Variants in UBQLN1 observed in about 807,000 individuals in gnomAD.
UBQLN1 encodes the protein ubiquilin 1, also known as ubiquilin-1.
A neutral mutation model predicts 65.4 loss-of-function variants in UBQLN1; 13 were observed. That is an observed-to-expected ratio of 0.20 (90% CI 0.13 to 0.32). UBQLN1 has a LOEUF of 0.32. UBQLN1 is among the 10% of genes least tolerant of loss of function. The pLI is 1.00. For missense variants in UBQLN1, 561 were observed against 724.0 expected, an observed-to-expected ratio of 0.77 and a Z score of 2.58; for synonymous variants, 267 against 247.8, an observed-to-expected ratio of 1.08 and a Z score of -0.73.
chr9:83,695,150 A>C (rs540422950), intron 1 of UBQLN1, among the ~76,000 whole-genome samples: 15 of 139,578 alleles, frequency 1.1e-4, no homozygotes, highest in South Asian at 6.7e-4. Context: ...AGAATCACCC[A>C]AAAAAAAAAA....
intron 10 of UBQLN1, among the ~76,000 whole-genome samples, chr9:83,662,320 T>C (rs1456925651): frequency 6.9e-6 from 1 of 144,668 alleles, no homozygotes; most frequent in Non-Finnish European, 1.5e-5. Context: ...ACACAGATAG[T>C]TCAGAATTAG....
Position 83,690,247 on chromosome 9 carries a change from T to C in UBQLN1, c.181-4092A>G, listed in dbSNP as rs137967361. The stretch of plus-strand genomic sequence containing the variant: ...ACTATAGTATAGTCATTTGATAGAT[T>C]ACCCCCAATGACAACAAATGAACTA... On this transcript the variant is annotated intron_variant, in intron 1 of 10. Transcript: ENST00000376395. 5.3e-4 allele frequency among the ~76,000 whole-genome samples: 80 copies of C among 152,338 alleles called. 2 individuals carry two copies. The East Asian group carries it at 0.013, about 24-fold the overall frequency.
At position 83,666,356 on chromosome 9, in the gene UBQLN1, G is replaced by C. The variant is rs140100726; in HGVS notation, c.1326C>G (p.Leu442=). The change falls in exon 8 of 11, where the codon CTC becomes CTG. Residue 442 remains leucine (L), a synonymous_variant. Transcript: ENST00000376395. ...EQMRQQLPTF[L]QQMQNPDTLS... Reference sequence around the variant, plus strand: ...AACATCTTGTCTTACTCACTTGTTGGAGGAAAGTTGGGAGCTGTTGTCTCA... The same window carrying C: ...AACATCTTGTCTTACTCACTTGTTGCAGGAAAGTTGGGAGCTGTTGTCTCA... 6.2e-7 allele frequency: 1 copy of C among 1,613,826 alleles called. No individual in the cohort carries two copies. The highest frequency in any genetic ancestry group is 2.2e-5 in the East Asian group (1 of 44,848).
chr9:83,683,362 G>A (rs1263497661), intron 2 of UBQLN1, among the ~76,000 whole-genome samples: 1 of 139,224 alleles, frequency 7.2e-6, no homozygotes, highest in Non-Finnish European at 1.5e-5. Context: ...CAGTGAGCGA[G>A]ATCGCGCCAC....
intron 1 of UBQLN1, among the ~76,000 whole-genome samples, chr9:83,696,056 C>T (rs1274955384): frequency 6.6e-6 from 1 of 152,198 alleles, no homozygotes; most frequent in East Asian, 1.9e-4. Context: ...TCTCCTGCCT[C>T]AGCCTCTCCA....
Position 83,672,108 on chromosome 9 carries a change from T to A in UBQLN1, c.1106-2781A>T, listed in dbSNP as rs1831742984. ...TTCTGCAGATTCCTTACCTCTCAGC[T>A]TTCATAGAATTAAAGAGAGTTAGGG... On this transcript the variant is annotated intron_variant, in intron 6 of 10. Coordinates refer to ENST00000376395, the MANE Select transcript of UBQLN1 (RefSeq NM_013438.5). Among the ~76,000 whole-genome samples, 7 of 152,368 alleles carry A rather than the reference T, an allele frequency of 4.6e-5. No homozygotes were observed. In the South Asian group the frequency reaches 1.4e-3, roughly 32 times the overall value.
intron 2 of UBQLN1, 38 bp from the exon 3 acceptor site, chr9:83,683,104 C>T (rs1247787900): frequency 1.4e-6 from 2 of 1,465,532 alleles, no homozygotes; most frequent in Admixed American, 1.7e-5. Flanking sequence ...AGCAGTAGAG[C>T]TGATTATTTT....
In UBQLN1 at chr9:83,679,786, T is replaced by G. The variant is rs1831910166; in HGVS notation, c.700A>C (p.Ile234Leu). 16 of 1,614,114 alleles carry G rather than the reference T, an allele frequency of 9.9e-6. No homozygotes were observed. The highest frequency in any genetic ancestry group is 1.4e-5 in the Non-Finnish European group (16 of 1,179,974). ...EISHMLNNPDIMRQTLELARN... is the reference protein window; with the variant it reads ...EISHMLNNPDLMRQTLELARN... ...AACTTTCCACATACTTGTCTCATTA[T>G]ATCTGGATTATTCAACATATGACTA... is the stretch of plus-strand genomic sequence containing the variant. Residue 234 changes from isoleucine to leucine, a missense_variant, in exon 4 of 11, where the codon ATA becomes CTA. By Grantham distance (5) the Ile-to-Leu change is conservative (BLOSUM62 2). Transcript: ENST00000376395.
At chr9:83,679,049 T>C (rs761320356) in intron 4 of UBQLN1, among the ~76,000 whole-genome samples, 1 of 152,272 alleles carries the variant, frequency 6.6e-6, no homozygotes, top group East Asian at 1.9e-4. Flanking sequence ...ACCAGCCTCC[T>C]GCACTATGCC....
rs900879020 is a variant in UBQLN1, at chr9:83,697,669, C to T, written c.180+9831G>A. Among the ~76,000 whole-genome samples, 7 of 151,630 alleles carry T rather than the reference C, an allele frequency of 4.6e-5. No homozygotes were observed. The East Asian group carries it at 1.2e-3, about 25-fold the overall frequency. On this transcript the variant is annotated intron_variant, in intron 1 of 10. Transcript: ENST00000376395. ...CTCGCAGATTCAAGAGATTCTTCCA[C>T]CTCAGCTTCCCAAGTAGCTGGGACT...
intron 1 of UBQLN1, among the ~76,000 whole-genome samples, chr9:83,686,618 G>A (rs760100614): frequency 2.0e-5 from 3 of 151,970 alleles, no homozygotes; most frequent in African/African-American, 4.8e-5. Context: ...AATTTAGTTC[G>A]AGCCACAGTT....
rs371320587 is a variant in UBQLN1 at position 83,664,056 on chromosome 9, C to T, written c.1449-13G>A. The T allele has an allele frequency of 5.7e-5, 91 of 1,609,038 alleles. 2 individuals carry two copies. In the African/African-American group the frequency reaches 5.9e-4, roughly 10 times the overall value. ...GCCAGGAGTAAACCTACAGAAAGCA[C>T]AAATAGGAAATATCCTAAGGTCCTG... On this transcript the variant is annotated splice_polypyrimidine_tract_variant and intron_variant, in intron 9 of 10. Coordinates refer to ENST00000376395, the MANE Select transcript of UBQLN1 (RefSeq NM_013438.5).
At chr9:83,701,334 G>C (rs1832306233) in intron 1 of UBQLN1, among the ~76,000 whole-genome samples, 1 of 152,054 alleles carries the variant, frequency 6.6e-6, no homozygotes, top group Non-Finnish European at 1.5e-5. Flanking sequence ...GAAGACAGCT[G>C]GATTTTCACA....
intron 1 of UBQLN1, among the ~76,000 whole-genome samples, chr9:83,691,227 A>G (rs1832123461): frequency 1.3e-5 from 2 of 152,076 alleles, no homozygotes; most frequent in African/African-American, 4.8e-5. Flanking sequence ...CATCTTGGGC[A>G]GGTCAACTGA....
At chr9:83,670,991 C>T (rs1047931244) in intron 6 of UBQLN1, among the ~76,000 whole-genome samples, 7 of 152,080 alleles carry the variant, frequency 4.6e-5, no homozygotes, top group South Asian at 2.1e-4. Context: ...GATGGAGTCT[C>T]GCTTTTGTCA....
chr9:83,662,808 T>A (rs571141714), intron 10 of UBQLN1, among the ~76,000 whole-genome samples: 1 of 152,338 alleles, frequency 6.6e-6, no homozygotes, highest in South Asian at 2.1e-4. Flanking sequence ...CAGGCCAGGC[T>A]CACGCCTGTA....
chr9:83,673,629 G>A (rs986460716), intron 6 of UBQLN1, among the ~76,000 whole-genome samples: 2 of 138,544 alleles, frequency 1.4e-5, no homozygotes, highest in African/African-American at 5.4e-5. Context: ...AAAAATCCAA[G>A]ATAAATATTT....
intron 1 of UBQLN1, among the ~76,000 whole-genome samples, chr9:83,688,001 A>T (rs1488406992): frequency 6.6e-6 from 1 of 152,204 alleles, no homozygotes; most frequent in Non-Finnish European, 1.5e-5. Flanking sequence ...TCTTCACAGA[A>T]CACCATTTGC....
intron 1 of UBQLN1, among the ~76,000 whole-genome samples, chr9:83,704,622 C>T (rs911375006): frequency 2.0e-5 from 3 of 152,086 alleles, no homozygotes; most frequent in Non-Finnish European, 2.9e-5. Context: ...ATCAGGAGTT[C>T]GAGACCAGCC....
Sources: allele counts gnomAD v4.1 joint callset (sites outside exome capture counted in the v4.1 genomes callset), GRCh38; gene constraint gnomAD v4.1.1; transcripts MANE v1.5; gene names NCBI Gene and HGNC (gene_info 2026-07-23, HGNC 2026-07-21).